PPFIBP1: variants seen among roughly 807,000 people sequenced by gnomAD.
PPFIBP1 encodes the protein liprin-beta-1.
PPFIBP1 carries 112 observed loss-of-function variants against 137.8 expected under a neutral mutation model. The observed-to-expected ratio is 0.81, with a 90% confidence interval of 0.70 to 0.95. PPFIBP1 has a LOEUF of 0.95. Among genes scored for constraint, PPFIBP1 ranks in the 40% least tolerant of loss-of-function variants. PPFIBP1 has a pLI of 0.00. For synonymous variants in PPFIBP1, 378 were observed against 417.3 expected (o/e 0.91, Z 1.15); for missense variants, 1,083 against 1,196.6 (o/e 0.91, Z 1.40).
At chr12:27,672,076 G>GA (rs879889253) in intron 14 of PPFIBP1, among the ~76,000 whole-genome samples, 55 of 138,680 alleles carry the variant, frequency 4.0e-4, no homozygotes, top group Middle Eastern at 3.8e-3. Flanking sequence ...GTCTCAAAAA[G>GA]AAAAAAAAAA....
chr12:27,676,318 C>T, intron 17 of PPFIBP1, 110 bp from the exon 18 acceptor site: 1 of 845,536 alleles, frequency 1.2e-6, no homozygotes, highest in Non-Finnish European at 1.7e-6. Flanking sequence ...TTCAGTTATT[C>T]TTTTGAATAA....
intron 1 of PPFIBP1, among the ~76,000 whole-genome samples, chr12:27,573,767 G>A (rs186277201): frequency 4.5e-4 from 68 of 152,274 alleles, no homozygotes; most frequent in Non-Finnish European, 7.9e-4. Flanking sequence ...AGTACTACTT[G>A]AAACCAGGAG....
chr12:27,572,125 AT>A (rs2136691820), intron 1 of PPFIBP1, among the ~76,000 whole-genome samples: 1 of 152,228 alleles, frequency 6.6e-6, no homozygotes, highest in Non-Finnish European at 1.5e-5. Context: ...TTGTTATGTA[AT>A]TTTTATGCTA....
At chr12:27,602,981 A>G (rs1300231056) in intron 2 of PPFIBP1, among the ~76,000 whole-genome samples, 1 of 152,188 alleles carries the variant, frequency 6.6e-6, no homozygotes, top group African/African-American at 2.4e-5. Flanking sequence ...TTGCTAAAGA[A>G]ATTCAAATTG....
At chr12:27,598,730 A>G (rs76194749) in intron 2 of PPFIBP1, among the ~76,000 whole-genome samples, 3,905 of 152,250 alleles carry the variant, frequency 0.026, 163 homozygotes, top group African/African-American at 0.088. Flanking sequence ...ATGCTGAGGA[A>G]TGTAGTCACT....
chr12:27,603,531 C>T (rs1385055430), intron 2 of PPFIBP1, among the ~76,000 whole-genome samples: 2 of 152,200 alleles, frequency 1.3e-5, no homozygotes, highest in African/African-American at 4.8e-5. Context: ...GATTATCTGA[C>T]TATCTCCCCC....
chr12:27,599,855 G>C lies in PPFIBP1; in HGVS notation c.-36+21616G>C, dbSNP rs2053768834. ...AGGTCAAGAAAGGCAAGGAAAGACTGAGGTGCTGTCACAGACTACAAGAGA... is the reference window on the plus strand; with the variant it reads ...AGGTCAAGAAAGGCAAGGAAAGACTCAGGTGCTGTCACAGACTACAAGAGA... On this transcript the variant is annotated intron_variant, in intron 2 of 29. Coordinates refer to ENST00000228425, the MANE Select transcript of PPFIBP1 (RefSeq NM_003622.4). 1.3e-5 allele frequency among the ~76,000 whole-genome samples: 2 copies of C among 152,182 alleles called. 1 individual carries two copies. Among genetic ancestry groups the C allele is most frequent in the South Asian group, 4.1e-4 (2 of 4,828 alleles).
chr12:27,531,804 T>C (rs1000024008), intron 1 of PPFIBP1, among the ~76,000 whole-genome samples: 2 of 152,168 alleles, frequency 1.3e-5, no homozygotes, highest in Admixed American at 6.6e-5. Flanking sequence ...TTCCGCCTCC[T>C]GTCTCTTATC....
intron 2 of PPFIBP1, among the ~76,000 whole-genome samples, chr12:27,580,498 A>G (rs1183763850): frequency 6.6e-6 from 1 of 152,184 alleles, no homozygotes; most frequent in Non-Finnish European, 1.5e-5. Context: ...ACAATTGACT[A>G]CAATAGTGTT....
chr12:27,645,587 C>T (rs1171306567), intron 4 of PPFIBP1, among the ~76,000 whole-genome samples: 4 of 152,168 alleles, frequency 2.6e-5, no homozygotes, highest in Non-Finnish European at 5.9e-5. Context: ...TACAAAGAAG[C>T]AAACTCACAA....
intron 2 of PPFIBP1, among the ~76,000 whole-genome samples, chr12:27,607,474 C>T (rs1440778671): frequency 6.6e-6 from 1 of 152,196 alleles, no homozygotes; most frequent in African/African-American, 2.4e-5. Context: ...TGCATTTGAT[C>T]ATTGTCAGAG....
chr12:27,671,078 A>T (rs1593274973), intron 13 of PPFIBP1, among the ~76,000 whole-genome samples: 1 of 151,962 alleles, frequency 6.6e-6, no homozygotes, highest in African/African-American at 2.4e-5. Context: ...CTACGGCAGG[A>T]GACTGCTTGA....
intron 21 of PPFIBP1, among the ~76,000 whole-genome samples, chr12:27,681,127 C>A (rs1375081924): frequency 6.6e-6 from 1 of 152,172 alleles, no homozygotes; most frequent in Non-Finnish European, 1.5e-5. Flanking sequence ...ATATTGCCCT[C>A]TTCTCATTGG....
intron 5 of PPFIBP1, among the ~76,000 whole-genome samples, chr12:27,646,797 T>C (rs893681685): frequency 2.0e-5 from 3 of 152,180 alleles, no homozygotes; most frequent in East Asian, 3.8e-4. Context: ...CTTTGGTATA[T>C]TGAGCAAAAT....
intron 13 of PPFIBP1, among the ~76,000 whole-genome samples, chr12:27,670,791 A>C (rs5020613): frequency 7.2e-6 from 1 of 138,766 alleles, no homozygotes; most frequent in Admixed American, 7.3e-5. Context: ...AAAAAAAAAA[A>C]AAAAATAATA....
intron 2 of PPFIBP1, among the ~76,000 whole-genome samples, chr12:27,610,277 C>T (rs2054959157): frequency 6.6e-6 from 1 of 152,090 alleles, no homozygotes; most frequent in Admixed American, 6.5e-5. Flanking sequence ...AAGCTTTTAC[C>T]ATGAGGCTGT....
intron 1 of PPFIBP1, among the ~76,000 whole-genome samples, chr12:27,524,953 A>G (rs991754863): frequency 1.3e-5 from 2 of 152,106 alleles, no homozygotes; most frequent in African/African-American, 4.8e-5. Flanking sequence ...CACACTTCTA[A>G]AACTGCAACT....
intron 1 of PPFIBP1, among the ~76,000 whole-genome samples, chr12:27,545,103 A>G (rs1946090814): frequency 6.6e-6 from 1 of 152,184 alleles, no homozygotes; most frequent in African/African-American, 2.4e-5. Flanking sequence ...TGAAGCTGGA[A>G]ACCATCATTC....
Position 27,689,106 on chromosome 12 carries a change from A to G in PPFIBP1, c.2588A>G (p.His863Arg). ...KTLLRRHLAT[H>R]FNLLIGAEAQ... ...TTGCTGCGAAGACATTTGGCCACTC[A>G]TTTCAACCTTCTGATTGGGGCTGAG... The change falls in exon 27 of 30, where the codon CAT (histidine) becomes CGT (arginine). Residue 863 changes from histidine (H) to arginine (R), a missense_variant. Transcript: ENST00000228425. 1 of 1,611,166 alleles carries G rather than the reference A, an allele frequency of 6.2e-7. No individual in the cohort carries two copies. Among genetic ancestry groups the G allele is most frequent in the South Asian group, 1.1e-5 (1 of 90,160 alleles).
Sources: allele counts gnomAD v4.1 joint callset (sites outside exome capture counted in the v4.1 genomes callset), GRCh38; gene constraint gnomAD v4.1.1; transcripts MANE v1.5; gene names NCBI Gene and HGNC (gene_info 2026-07-23, HGNC 2026-07-21).